The following NIPBL variants were observed in gnomAD, a reference collection of about 807,000 sequenced individuals.
NIPBL encodes the protein NIPBL cohesin loading factor.
NIPBL carries 19 observed loss-of-function variants against 321.8 expected under a neutral mutation model. The observed-to-expected ratio is 0.06, with a 90% CI of 0.04 to 0.09. The LOEUF (loss-of-function observed/expected upper bound fraction) is 0.09, where lower values mean the gene tolerates loss of function less well. Ranked by LOEUF, NIPBL falls within the 10% of genes least tolerant of loss-of-function variation. NIPBL has a pLI of 1.00. For missense variants in NIPBL, 2,210 were observed against 3,327.0 expected (o/e 0.66, Z 8.26); for synonymous variants, 1,106 against 1,114.1 (o/e 0.99, Z 0.14).
chr5:36,905,552 T>A (rs1747566972), intron 1 of NIPBL, among the ~76,000 whole-genome samples: 1 of 152,186 alleles, frequency 6.6e-6, no homozygotes, highest in Non-Finnish European at 1.5e-5. Flanking sequence ...ATGAGGAATG[T>A]GTGTGACATG....
intron 33 of NIPBL, among the ~76,000 whole-genome samples, chr5:37,038,107 G>A (rs1299741293): frequency 1.3e-5 from 2 of 150,982 alleles, no homozygotes; most frequent in South Asian, 4.2e-4. Context: ...CTCCCACCTC[G>A]GCCTCCCGAG....
chr5:36,903,111 C>T (rs1354700298), intron 1 of NIPBL, among the ~76,000 whole-genome samples: 2 of 152,054 alleles, frequency 1.3e-5, no homozygotes, highest in African/African-American at 2.4e-5. Flanking sequence ...TTTTGCACTT[C>T]GTTTTGTATC....
chr5:36,971,093 C>T, intron 7 of NIPBL, 57 bp downstream of exon 7: 1 of 1,440,864 alleles, frequency 6.9e-7, no homozygotes, highest in Admixed American at 1.7e-5. Context: ...GTCATATAAC[C>T]TAGTATTTCC....
At chr5:36,999,579 T>C (rs1746547008) in intron 11 of NIPBL, among the ~76,000 whole-genome samples, 1 of 152,198 alleles carries the variant, frequency 6.6e-6, no homozygotes, top group South Asian at 2.1e-4. Flanking sequence ...TGCCAGTTGA[T>C]GAGAGTTGAT....
chr5:37,042,238 C>A (rs1752474945), intron 34 of NIPBL, among the ~76,000 whole-genome samples: 2 of 151,310 alleles, frequency 1.3e-5, no homozygotes, highest in African/African-American at 2.4e-5. Context: ...AGTTCAAGAC[C>A]AGCCTGGCCA....
intron 1 of NIPBL, among the ~76,000 whole-genome samples, chr5:36,940,894 T>C (rs180672035): frequency 1.3e-5 from 2 of 152,342 alleles, no homozygotes; most frequent in Admixed American, 1.3e-4. Flanking sequence ...TTGTTACTGT[T>C]ATGGAATTTA....
At chr5:36,942,734 CAA>C (rs34936238) in intron 1 of NIPBL, among the ~76,000 whole-genome samples, 18 of 94,370 alleles carry the variant, frequency 1.9e-4, no homozygotes, top group South Asian at 3.3e-4. Flanking sequence ...GACTCTGTCT[CAA>C]AAAAAAAAAA....
At chr5:36,901,720 G>A (rs1449545991) in intron 1 of NIPBL, among the ~76,000 whole-genome samples, 1 of 151,958 alleles carries the variant, frequency 6.6e-6, no homozygotes, top group African/African-American at 2.4e-5. Flanking sequence ...TGTTGGTCAG[G>A]CTGGTCTCGA....
chr5:36,918,820 A>G (rs1748688642), intron 1 of NIPBL, among the ~76,000 whole-genome samples: 1 of 151,982 alleles, frequency 6.6e-6, no homozygotes, highest in Admixed American at 6.6e-5. Flanking sequence ...TATATGATGG[A>G]TTACGTTTAT....
At chr5:36,991,243 A>G (rs1007220815) in intron 10 of NIPBL, among the ~76,000 whole-genome samples, 2 of 152,084 alleles carry the variant, frequency 1.3e-5, no homozygotes, top group Non-Finnish European at 2.9e-5. Context: ...TAACCTTTCA[A>G]AGCTTGGTTC....
At position 36,883,738 on chromosome 5, in the gene NIPBL, G is replaced by T. The variant is rs115455663; in HGVS notation, c.-80+6560G>T. On this transcript the variant is annotated intron_variant, in intron 1 of 46. Transcript: ENST00000282516. The stretch of plus-strand genomic sequence containing the variant: ...AGTATTTTAAAACCTGCCTTTAGTT[G>T]TCTTTATTTGAATCAGATTGTGGGT... 8.2e-3 allele frequency among the ~76,000 whole-genome samples: 1,238 copies of T among 151,378 alleles called. 12 individuals are homozygous for T. The highest frequency in any genetic ancestry group is 0.028 in the African/African-American group (1,176 of 41,358).
chr5:36,980,643 A>G (rs1744034469), intron 9 of NIPBL, among the ~76,000 whole-genome samples: 1 of 151,720 alleles, frequency 6.6e-6, no homozygotes, highest in Admixed American at 6.6e-5. Context: ...AAGCTATACC[A>G]TATAGCCTAG....
intron 10 of NIPBL, among the ~76,000 whole-genome samples, chr5:36,987,015 T>C (rs952834823): frequency 6.6e-6 from 1 of 152,192 alleles, no homozygotes; most frequent in Admixed American, 6.5e-5. Flanking sequence ...TATACTTCTG[T>C]ATCCCTTTGT....
Position 36,963,237 on chromosome 5 carries a change from A to G in NIPBL, c.610+963A>G, listed in dbSNP as rs748780367. ...TTAAAGCAGAAAAGTGCAAAGGATA[A>G]TATAAAAAACATCTTTATTTTTGTC... On this transcript the variant is annotated intron_variant, in intron 6 of 46. Coordinates refer to ENST00000282516, the MANE Select transcript of NIPBL (RefSeq NM_133433.4). Among the ~76,000 whole-genome samples the G allele has an allele frequency of 7.2e-4, 109 of 152,284 alleles. No homozygotes were observed. In the Middle Eastern group the frequency reaches 0.01, roughly 14 times the overall value.
chr5:36,880,862 A>G (rs1745450616), intron 1 of NIPBL, among the ~76,000 whole-genome samples: 1 of 152,062 alleles, frequency 6.6e-6, no homozygotes, highest in South Asian at 2.1e-4. Context: ...TTTCCGTTTA[A>G]TGATGAAATA....
At chr5:37,004,269 T>C (rs1456564600) in intron 16 of NIPBL, among the ~76,000 whole-genome samples, 1 of 152,232 alleles carries the variant, frequency 6.6e-6, no homozygotes, top group East Asian at 1.9e-4. Context: ...TTTGCCTTCC[T>C]AGCATTGTAG....
intron 6 of NIPBL, among the ~76,000 whole-genome samples, chr5:36,962,588 G>A (rs1022710527): frequency 6.6e-6 from 1 of 152,134 alleles, no homozygotes; most frequent in Non-Finnish European, 1.5e-5. Flanking sequence ...TCTTACATTA[G>A]CACTAAGCCA....
intron 34 of NIPBL, among the ~76,000 whole-genome samples, chr5:37,040,248 T>C (rs79598400): frequency 0.12 from 18,303 of 152,182 alleles, 1,211 homozygotes; most frequent in Admixed American, 0.19. Context: ...TTTTTATGTA[T>C]GTATGTACAC....
At chr5:37,007,931 G>A (rs1171242539) in intron 18 of NIPBL, 77 bp from the exon 19 acceptor site, 2 of 874,996 alleles carry the variant, frequency 2.3e-6, no homozygotes, top group Admixed American at 1.8e-5. Context: ...GCTTATGAAT[G>A]TATTGGAATT....
Sources: gnomAD v4.1 joint callset for allele counts (sites outside exome capture counted in the v4.1 genomes callset) on GRCh38, gnomAD v4.1.1 for gene constraint, MANE v1.5 for transcripts, NCBI Gene and HGNC (gene_info 2026-07-23, HGNC 2026-07-21) for gene names.